The following ZWILCH variants were observed in gnomAD, a reference collection of about 807,000 sequenced individuals.
ZWILCH encodes the protein protein zwilch homolog.
A neutral mutation model predicts 79.9 loss-of-function variants in ZWILCH; 74 were observed. The observed-to-expected ratio is 0.93, with a 90% CI of 0.77 to 1.12. ZWILCH has a LOEUF of 1.12. Ranked by LOEUF, ZWILCH falls within the 50% of genes most tolerant of loss-of-function variation. ZWILCH has a pLI of 0.00. For synonymous variants in ZWILCH, 241 were observed against 228.2 expected (o/e 1.06, Z -0.51); for missense variants, 694 against 687.5 (o/e 1.01, Z -0.11).
At chr15:66,512,408 C>T (rs1049008169) in intron 2 of ZWILCH, among the ~76,000 whole-genome samples, 3 of 151,754 alleles carry the variant, frequency 2.0e-5, no homozygotes, top group African/African-American at 7.3e-5. Flanking sequence ...ACCAGTGCAC[C>T]ACCATACCTG....
At chr15:66,515,473 T>C (rs1894216585) in intron 3 of ZWILCH, 53 bp from the exon 4 acceptor site, 1 of 1,090,854 alleles carries the variant, frequency 9.2e-7, no homozygotes, top group Non-Finnish European at 1.4e-6. Context: ...AAGAGTCAGC[T>C]GCTATCCTAT....
intron 12 of ZWILCH, among the ~76,000 whole-genome samples, chr15:66,531,056 A>G (rs1001920885): frequency 5.9e-5 from 9 of 152,186 alleles, no homozygotes; most frequent in African/African-American, 2.2e-4. Context: ...AAAGTAGAGA[A>G]ATAGAAAGTA....
chr15:66,544,532 G>T (rs1895292866), intron 17 of ZWILCH, among the ~76,000 whole-genome samples: 1 of 151,816 alleles, frequency 6.6e-6, no homozygotes, highest in Non-Finnish European at 1.5e-5. Flanking sequence ...ATAGAGGCGA[G>T]GTCTTGTTAT....
intron 12 of ZWILCH, among the ~76,000 whole-genome samples, chr15:66,530,640 A>G (rs188328166): frequency 2.5e-4 from 38 of 152,330 alleles, no homozygotes; most frequent in Middle Eastern, 6.8e-3. Flanking sequence ...CCGTCTCATA[A>G]AAAACAAGTT....
In ZWILCH at chr15:66,519,078, G is replaced by T; in HGVS notation, c.520G>T (p.Ala174Ser). 3 of 1,613,838 alleles carry T rather than the reference G, an allele frequency of 1.9e-6. No homozygotes were observed. The highest frequency in any genetic ancestry group is 2.5e-6 in the Non-Finnish European group (3 of 1,179,728). ...TGTCTTATATGTGGTCAGTTGTAAA[G>T]GTGAGTGCTCTCTCTAGAGAGTGTG... ...GIVLYVVSCK[A>S]DKNYSVNLEN... The change falls in exon 5 of 19, where the codon GCT becomes TCT. Residue 174 changes from alanine (A) to serine (S), a missense_variant and splice_region_variant. Ala to Ser is a moderately conservative substitution (Grantham distance 99). Coordinates refer to ENST00000307897, the MANE Select transcript of ZWILCH (RefSeq NM_017975.5).
At chr15:66,529,176 T>C (rs1379352356) in intron 11 of ZWILCH, among the ~76,000 whole-genome samples, 1 of 152,200 alleles carries the variant, frequency 6.6e-6, no homozygotes, top group African/African-American at 2.4e-5. Context: ...TTTTTAAATA[T>C]AAGACTTAGG....
At chr15:66,544,627 A>G (rs1470502541) in intron 17 of ZWILCH, among the ~76,000 whole-genome samples, 3 of 152,008 alleles carry the variant, frequency 2.0e-5, no homozygotes, top group East Asian at 1.9e-4. Context: ...GGTGCGAACT[A>G]CTACTGCCCC....
intron 12 of ZWILCH, among the ~76,000 whole-genome samples, chr15:66,530,725 G>C (rs943631585): frequency 6.6e-6 from 1 of 152,096 alleles, no homozygotes; most frequent in Non-Finnish European, 1.5e-5. Context: ...TCAAGAAAAA[G>C]CTAAGTAAAA....
chr15:66,533,747 A>AT (rs1894926799), intron 14 of ZWILCH, among the ~76,000 whole-genome samples: 2 of 151,514 alleles, frequency 1.3e-5, no homozygotes, highest in African/African-American at 2.4e-5. Context: ...CACACACACA[A>AT]ACATACATAC....
intron 17 of ZWILCH, among the ~76,000 whole-genome samples, chr15:66,544,719 G>GTTGTGTGTGTGTGTGT (rs1555426538): frequency 2.2e-5 from 1 of 44,780 alleles, no homozygotes; most frequent in African/African-American, 6.6e-5. Context: ...TTGTTTTTTT[G>GTTGTGTGTGTGTGTGT]GTTTTTGTGT....
At chr15:66,527,161 C>T (rs1266387590) in intron 8 of ZWILCH, 129 bp from the exon 9 acceptor site, 6 of 670,406 alleles carry the variant, frequency 8.9e-6, no homozygotes, top group Non-Finnish European at 1.6e-5. Flanking sequence ...TAAAGCACCA[C>T]AGCAGTACCT....
chr15:66,521,247 C>G (rs1894484747), intron 7 of ZWILCH, 42 bp downstream of exon 7: 1 of 1,595,760 alleles, frequency 6.3e-7, no homozygotes, highest in African/African-American at 1.3e-5. Context: ...CATGAGACTC[C>G]TAAATGTTGG....
At position 66,544,724 on chromosome 15, in the gene ZWILCH, T is replaced by TTTTTTTTGTG. The variant is rs145952622; in HGVS notation, c.1688-1866_1688-1865insTTTTTTGTGT. On this transcript the variant is annotated intron_variant, in intron 17 of 18. Transcript: ENST00000307897. ...TGTTTTTTTGTTGTTTTTTTGGTTT[T>TTTTTTTTGTG]TGTGTGTGTGTGTGTGTGTGTGTGT... 5.4e-3 allele frequency among the ~76,000 whole-genome samples: 691 copies of TTTTTTTTGTG among 128,510 alleles called. 5 individuals carry two copies. The highest frequency in any genetic ancestry group is 0.02 in the South Asian group (73 of 3,674). 84.3% of individuals were successfully genotyped at this position (128,510 alleles called of 152,430 possible). A position where few individuals can be genotyped will look rare whatever the true frequency, so the allele number is the denominator to read the frequency against.
chr15:66,540,488 G>A (rs1895159375), intron 17 of ZWILCH, among the ~76,000 whole-genome samples: 1 of 152,082 alleles, frequency 6.6e-6, no homozygotes, highest in South Asian at 2.1e-4. Flanking sequence ...TTGAGGTGGA[G>A]GTTGCAGTGA....
chr15:66,520,532 G>A, intron 5 of ZWILCH, 58 bp from the exon 6 acceptor site: 1 of 868,410 alleles, frequency 1.2e-6, no homozygotes, highest in Non-Finnish European at 1.9e-6. Flanking sequence ...CAGTTTTGTA[G>A]CTCTGACAAT....
intron 16 of ZWILCH, among the ~76,000 whole-genome samples, 171 bp from the exon 17 acceptor site, chr15:66,539,924 ATTC>A (rs1286191141): frequency 6.6e-6 from 1 of 151,368 alleles, no homozygotes; most frequent in Admixed American, 6.6e-5. Flanking sequence ...TGTTATTTTT[ATTC>A]TTATTTTTCT....
intron 14 of ZWILCH, 50 bp from the exon 15 acceptor site, chr15:66,535,883 G>T (rs1211441744): frequency 3.2e-6 from 5 of 1,539,744 alleles, no homozygotes; most frequent in Non-Finnish European, 3.5e-6. Flanking sequence ...CTTTACAAAG[G>T]TTACACAGGT....
At chr15:66,521,908 A>T (rs764170504) in intron 7 of ZWILCH, among the ~76,000 whole-genome samples, 2 of 152,220 alleles carry the variant, frequency 1.3e-5, no homozygotes, top group Admixed American at 6.5e-5. Context: ...TTAAGAAATC[A>T]GTCAAAATTG....
At chr15:66,542,283 T>C (rs921869972) in intron 17 of ZWILCH, among the ~76,000 whole-genome samples, 3 of 151,012 alleles carry the variant, frequency 2.0e-5, no homozygotes, top group African/African-American at 7.3e-5. Flanking sequence ...ACACCATCTC[T>C]ACTAAAAAAA....
Sources: allele counts gnomAD v4.1 joint callset (sites outside exome capture counted in the v4.1 genomes callset), GRCh38; gene constraint gnomAD v4.1.1; transcripts MANE v1.5; gene names NCBI Gene and HGNC (gene_info 2026-07-23, HGNC 2026-07-21).